Variants in DPYSL5 observed in about 807,000 individuals in gnomAD.
DPYSL5 encodes the protein dihydropyrimidinase-related protein 5.
In DPYSL5, 9 loss-of-function variants were observed where a neutral mutation model predicts 58.4. The ratio of observed to expected loss-of-function variants is 0.15; its 90% CI spans 0.09 to 0.27. The LOEUF (loss-of-function observed/expected upper bound fraction) is 0.27, where lower values mean the gene tolerates loss of function less well. Ranked by LOEUF, DPYSL5 falls within the 10% of genes least tolerant of loss-of-function variation. DPYSL5 has a pLI of 1.00. For missense variants in DPYSL5, 499 were observed against 770.6 expected (o/e 0.65, Z 4.17); for synonymous variants, 293 against 301.9 (o/e 0.97, Z 0.31).
intron 5 of DPYSL5, among the ~76,000 whole-genome samples, chr2:26,929,808 C>T (rs1664926396): frequency 6.6e-6 from 1 of 152,244 alleles, no homozygotes; most frequent in Admixed American, 6.5e-5. Flanking sequence ...ATGGCATTGA[C>T]ACAAATCCCC....
At chr2:26,931,197 G>GTATATATATATATA (rs1345488521) in intron 5 of DPYSL5, among the ~76,000 whole-genome samples, 34 of 52,492 alleles carry the variant, frequency 6.5e-4, no homozygotes, top group African/African-American at 1.1e-3. Context: ...GTGTGTGTGT[G>GTATATATATATATA]TGTGTGTATA....
chr2:26,902,159 G>C (rs1465628792), intron 2 of DPYSL5, among the ~76,000 whole-genome samples: 2 of 152,174 alleles, frequency 1.3e-5, no homozygotes, highest in Admixed American at 1.3e-4. Context: ...GGTTATCTCC[G>C]TGGGGTGGCA....
chr2:26,848,622 C>T (rs1665659324), intron 1 of DPYSL5: 1 of 152,692 alleles, frequency 6.5e-6, no homozygotes, highest in African/African-American at 2.4e-5. Context: ...CAGTGGACCG[C>T]TGGAGGGCTG....
At chr2:26,930,704 G>T (rs995454746) in intron 5 of DPYSL5, among the ~76,000 whole-genome samples, 2 of 152,058 alleles carry the variant, frequency 1.3e-5, no homozygotes, top group Admixed American at 6.6e-5. Flanking sequence ...GCCGGGCATG[G>T]TGGCTCACAC....
chr2:26,860,220 T>A (rs1473390193), intron 1 of DPYSL5, among the ~76,000 whole-genome samples: 1 of 152,122 alleles, frequency 6.6e-6, no homozygotes, highest in African/African-American at 2.4e-5. Flanking sequence ...GACATATAAA[T>A]GTATATAAAA....
chr2:26,909,913 A>C (rs1346913995), intron 2 of DPYSL5, among the ~76,000 whole-genome samples: 2 of 152,238 alleles, frequency 1.3e-5, no homozygotes, highest in Non-Finnish European at 2.9e-5. Context: ...TGCACATTTT[A>C]AAGTATACAG....
intron 2 of DPYSL5, among the ~76,000 whole-genome samples, chr2:26,912,005 G>C (rs534352890): frequency 6.6e-6 from 1 of 152,252 alleles, no homozygotes; most frequent in Non-Finnish European, 1.5e-5. Flanking sequence ...CAGACCCCGA[G>C]CTGGTGCGTG....
Position 26,891,892 on chromosome 2 carries a change from C to T in DPYSL5, c.-4-6604C>T, listed in dbSNP as rs189179384. On this transcript the variant is annotated intron_variant, in intron 1 of 12. Coordinates refer to ENST00000288699, the MANE Select transcript of DPYSL5 (RefSeq NM_020134.4). ...TTTATCATGTTGGCCAAGCTGGTCTCGAACTCCTGACCTCAAGTGATCCGC... is the reference window on the plus strand; with the variant it reads ...TTTATCATGTTGGCCAAGCTGGTCTTGAACTCCTGACCTCAAGTGATCCGC... Among the ~76,000 whole-genome samples the T allele has an allele frequency of 6.4e-3, 968 of 152,144 alleles. 11 individuals carry two copies. Among genetic ancestry groups the T allele is most frequent in the Non-Finnish European group, 9.9e-3 (673 of 68,006 alleles).
chr2:26,852,777 C>T (rs575846640), intron 1 of DPYSL5, among the ~76,000 whole-genome samples: 4 of 152,228 alleles, frequency 2.6e-5, no homozygotes, highest in South Asian at 2.1e-4. Flanking sequence ...CAAAAACTGC[C>T]GTGACTTCTG....
rs768597480 is a variant in DPYSL5 at position 26,942,732 on chromosome 2, G to A, written c.1422G>A (p.Lys474=). 1 of 1,614,082 alleles carries A rather than the reference G, an allele frequency of 6.2e-7. No individual in the cohort carries two copies. Among genetic ancestry groups the A allele is most frequent in the South Asian group, 1.1e-5 (1 of 91,076 alleles). Reference sequence around the variant, plus strand: ...CCTTCCCAGACACTGTCTACAAGAAGCTGGTCCAGAGAGAGAAGGTGAGGT... The same window carrying A: ...CCTTCCCAGACACTGTCTACAAGAAACTGGTCCAGAGAGAGAAGGTGAGGT... The part of the protein sequence containing the change: ...LRSFPDTVYK[K]LVQREKTLKV... Residue 474 remains lysine, a synonymous_variant, in exon 11 of 13, where the codon AAG becomes AAA. Transcript: ENST00000288699. This position sits in a 1 kb window ranked among gnomAD's most constrained non-coding sequence, Gnocchi z 5.9.
chr2:26,920,871 C>A (rs1209632728), intron 2 of DPYSL5, among the ~76,000 whole-genome samples: 1 of 152,192 alleles, frequency 6.6e-6, no homozygotes, highest in East Asian at 1.9e-4. Flanking sequence ...TGAATCAAGT[C>A]TTTTTCACTC....
chr2:26,940,123 G>A lies in DPYSL5; in HGVS notation c.1040G>A (p.Gly347Glu). 6.2e-7 allele frequency: 1 copy of A among 1,614,194 alleles called. No individual in the cohort carries two copies. The highest frequency in any genetic ancestry group is 8.5e-7 in the Non-Finnish European group (1 of 1,180,048). ...GKEDFTKIPH[G>E]VSGVQDRMSV... is the part of the protein sequence containing the mutation. ...GAAGACTTCACCAAGATCCCACATG[G>A]AGTGAGTGGCGTGCAGGACCGCATG... The change falls in exon 9 of 13, where the codon GGA becomes GAA. Residue 347 changes from glycine to glutamate, a missense_variant. Gly to Glu is a moderately conservative substitution (Grantham distance 98). Around this residue, in one of 3 missense-constraint regions of DPYSL5, gnomAD observed 404 missense variants for 647.6 expected, o/e 0.62. Transcript: ENST00000288699.
Position 26,898,850 on chromosome 2 carries a change from G to A in DPYSL5, c.261+90G>A. 6.1e-6 allele frequency: 9 copies of A among 1,469,156 alleles called. No homozygotes were observed. The highest frequency in any genetic ancestry group is 8.2e-6 in the Non-Finnish European group (9 of 1,091,854). The allele number at this position is 1,469,156 out of a possible 1,614,324, so 91.0% of individuals were successfully genotyped here. ...TCCAGACTAGACTCATGTGAGCCAGGTGCTCCCAGTGTATTGCTGGCAGGA... is the reference window on the plus strand; with the variant it reads ...TCCAGACTAGACTCATGTGAGCCAGATGCTCCCAGTGTATTGCTGGCAGGA... On this transcript the variant is annotated intron_variant, in intron 2 of 12. Transcript: ENST00000288699. The surrounding 1 kb of genome is among the most constrained non-coding windows in gnomAD (Gnocchi z 6.1).
chr2:26,872,554 G>C (rs1298682119), intron 1 of DPYSL5, among the ~76,000 whole-genome samples: 1 of 152,150 alleles, frequency 6.6e-6, no homozygotes, highest in African/African-American at 2.4e-5. Flanking sequence ...GCTGGGTGTG[G>C]TGGTGCGTGC....
intron 1 of DPYSL5, among the ~76,000 whole-genome samples, chr2:26,880,319 C>T (rs779643113): frequency 1.3e-5 from 2 of 152,264 alleles, no homozygotes; most frequent in Non-Finnish European, 2.9e-5. Context: ...AGTTAACCCA[C>T]TGCACCCCCA....
chr2:26,918,270 G>A (rs1381353290), intron 2 of DPYSL5, among the ~76,000 whole-genome samples: 2 of 152,084 alleles, frequency 1.3e-5, no homozygotes, highest in Non-Finnish European at 2.9e-5. Context: ...AATGGGAAAG[G>A]TGTTTCCTGC....
intron 1 of DPYSL5, among the ~76,000 whole-genome samples, chr2:26,888,671 A>C (rs1475802018): frequency 6.6e-6 from 1 of 152,172 alleles, no homozygotes; most frequent in Non-Finnish European, 1.5e-5. Flanking sequence ...TTGTTTGCAT[A>C]GATAAAATAA....
At chr2:26,940,655 A>AT (rs1249710007) in intron 9 of DPYSL5, among the ~76,000 whole-genome samples, 2 of 151,452 alleles carry the variant, frequency 1.3e-5, no homozygotes, top group African/African-American at 2.4e-5. Flanking sequence ...CTGGCTTCAT[A>AT]TTTTTTTCTT....
At chr2:26,904,231 G>A (rs1350920313) in intron 2 of DPYSL5, among the ~76,000 whole-genome samples, 1 of 152,120 alleles carries the variant, frequency 6.6e-6, no homozygotes, top group African/African-American at 2.4e-5. Flanking sequence ...GTGCCGCTAG[G>A]ACATAAATAA....
Sources: gnomAD v4.1 joint callset for allele counts (sites outside exome capture counted in the v4.1 genomes callset) on GRCh38, gnomAD v4.1.1 for gene constraint, gnomAD v4.1.1 regional missense constraint, Gnocchi (gnomAD v3.1) non-coding constraint, MANE v1.5 for transcripts, NCBI Gene and HGNC (gene_info 2026-07-23, HGNC 2026-07-21) for gene names.